Variants in MDGA2 observed in about 807,000 individuals in gnomAD.
The protein encoded by MDGA2 is MAM domain-containing glycosylphosphatidylinositol anchor protein 2.
In MDGA2, 40 loss-of-function variants were observed where a neutral mutation model predicts 117.8. That is an observed-to-expected ratio of 0.34 (90% CI 0.26 to 0.44). The LOEUF is 0.44. Ranked by LOEUF, MDGA2 falls within the 20% of genes least tolerant of loss-of-function variation. The pLI is 1.00. For missense variants in MDGA2, 1,123 were observed against 1,250.6 expected (o/e 0.90, Z 1.54); for synonymous variants, 452 against 439.0 (o/e 1.03, Z -0.37).
intron 3 of MDGA2, among the ~76,000 whole-genome samples, chr14:47,172,182 G>A (rs1884179008): frequency 6.6e-6 from 1 of 152,170 alleles, no homozygotes; most frequent in Non-Finnish European, 1.5e-5. Context: ...GCTCAAGGAG[G>A]CCTGCCTGCC....
chr14:47,021,832 G>A (rs28484922), intron 8 of MDGA2, among the ~76,000 whole-genome samples: 20 of 152,238 alleles, frequency 1.3e-4, no homozygotes, highest in African/African-American at 3.9e-4. Flanking sequence ...GGCACTGCTA[G>A]AATTTGAATC....
chr14:47,224,341 A>G (rs1483964406), intron 2 of MDGA2, among the ~76,000 whole-genome samples: 2 of 151,714 alleles, frequency 1.3e-5, no homozygotes, highest in Non-Finnish European at 2.9e-5. Flanking sequence ...TTCCTGAAAC[A>G]TCATTGCTTT....
intron 3 of MDGA2, among the ~76,000 whole-genome samples, chr14:47,168,547 T>C (rs1365050359): frequency 2.0e-5 from 3 of 152,008 alleles, no homozygotes; most frequent in Non-Finnish European, 4.4e-5. Flanking sequence ...CATTGGATAA[T>C]TGATGAAAAG....
chr14:47,026,704 A>G (rs187431541), intron 8 of MDGA2, among the ~76,000 whole-genome samples: 1 of 152,292 alleles, frequency 6.6e-6, no homozygotes, highest in East Asian at 1.9e-4. Context: ...GAAGAAAGAC[A>G]AATTCCTTTT....
rs1334553624 is a variant in MDGA2 at position 47,068,470 on chromosome 14, TAAATG to T, written c.1196-6897_1196-6893del. 1.0e-3 allele frequency among the ~76,000 whole-genome samples: 154 copies of T among 151,454 alleles called. 2 individuals carry two copies. Among genetic ancestry groups the T allele is most frequent in the African/African-American group, 3.5e-3 (146 of 41,390 alleles). ...TACCAAAATGTCTTTATCGGTGTCA[TAAATG>T]AAAACATTTACATGTGGCTACCATG... On this transcript the variant is annotated intron_variant, in intron 6 of 16. Coordinates refer to ENST00000399232, the MANE Select transcript of MDGA2 (RefSeq NM_001113498.3).
At chr14:46,902,016 T>A (rs1179316396) in intron 10 of MDGA2, among the ~76,000 whole-genome samples, 2 of 152,214 alleles carry the variant, frequency 1.3e-5, no homozygotes, top group Non-Finnish European at 2.9e-5. Flanking sequence ...TTGTCACCGA[T>A]GAACCCCTCT....
At chr14:47,187,233 C>T (rs930588511) in intron 3 of MDGA2, among the ~76,000 whole-genome samples, 1 of 151,696 alleles carries the variant, frequency 6.6e-6, no homozygotes, top group Non-Finnish European at 1.5e-5. Context: ...ATTGAATAAA[C>T]CTATGTAAAT....
chr14:47,482,705 T>G (rs1288717381), intron 1 of MDGA2, among the ~76,000 whole-genome samples: 3 of 152,046 alleles, frequency 2.0e-5, no homozygotes, highest in African/African-American at 7.2e-5. Context: ...CACCTTCTAA[T>G]TATCATTCTA....
At chr14:47,571,711 A>G (rs1896022919) in intron 1 of MDGA2, among the ~76,000 whole-genome samples, 1 of 149,976 alleles carries the variant, frequency 6.7e-6, no homozygotes, top group Admixed American at 6.6e-5. Flanking sequence ...CAATGAGAAC[A>G]CATGGACATA....
chr14:46,858,537 C>T lies in MDGA2; in HGVS notation c.2753-3383G>A, dbSNP rs536939351. ...CCGCCTCCCGGGTTCACGCCATTCT[C>T]CTGCCTCAGCCTCCCGAGTAGCTGG... On this transcript the variant is annotated intron_variant, in intron 14 of 16. Transcript: ENST00000399232. Among the ~76,000 whole-genome samples the T allele has an allele frequency of 2.0e-5, 3 of 150,904 alleles. No individual in the cohort carries two copies. In the South Asian group the frequency reaches 6.2e-4, roughly 31 times the overall value.
chr14:47,553,500 G>T (rs1192354058), intron 1 of MDGA2, among the ~76,000 whole-genome samples: 1 of 151,994 alleles, frequency 6.6e-6, no homozygotes, highest in African/African-American at 2.4e-5. Flanking sequence ...TGTTTAAATA[G>T]CTAATTTTTT....
chr14:46,878,608 C>T (rs1882323546), intron 11 of MDGA2, among the ~76,000 whole-genome samples: 1 of 151,944 alleles, frequency 6.6e-6, no homozygotes, highest in African/African-American at 2.4e-5. Flanking sequence ...GAAGACAATT[C>T]CCATTACTGT....
At chr14:47,033,441 C>A (rs542110342) in intron 8 of MDGA2, among the ~76,000 whole-genome samples, 4 of 152,244 alleles carry the variant, frequency 2.6e-5, no homozygotes, top group South Asian at 4.1e-4. Context: ...TCTGTGTTTA[C>A]CAACAAGATT....
chr14:46,973,330 T>G (rs540950392), intron 8 of MDGA2, among the ~76,000 whole-genome samples: 2 of 152,136 alleles, frequency 1.3e-5, no homozygotes, highest in South Asian at 2.1e-4. Context: ...TGCAGTTAAG[T>G]TCAGCTGGTA....
At chr14:47,155,940 G>T (rs1306146004) in intron 3 of MDGA2, among the ~76,000 whole-genome samples, 5 of 83,554 alleles carry the variant, frequency 6.0e-5, no homozygotes, top group African/African-American at 2.1e-4. Flanking sequence ...TTGAGACAGA[G>T]TCTCTGTCAC....
rs1884015293 is a variant in MDGA2 at position 47,169,137 on chromosome 14, A to C, written c.596-24863T>G. On this transcript the variant is annotated intron_variant, in intron 3 of 16. Coordinates refer to ENST00000399232, the MANE Select transcript of MDGA2 (RefSeq NM_001113498.3). ...CAAATGGGCATGGTAAGGTGACAGG[A>C]AACAAAAGCCACTTTGCTTTATTTA... Among the ~76,000 whole-genome samples, 8 of 152,032 alleles carry C rather than the reference A, an allele frequency of 5.3e-5. No homozygotes were observed. In the South Asian group the frequency reaches 1.7e-3, roughly 31 times the overall value.
chr14:47,160,348 C>T (rs945141650), intron 3 of MDGA2, among the ~76,000 whole-genome samples: 69 of 152,128 alleles, frequency 4.5e-4, no homozygotes, highest in African/African-American at 1.6e-3. Context: ...TCTCAGGCAT[C>T]TATCTTGCAG....
At chr14:47,149,548 T>C (rs908111984) in intron 3 of MDGA2, among the ~76,000 whole-genome samples, 4 of 152,184 alleles carry the variant, frequency 2.6e-5, no homozygotes, top group Non-Finnish European at 5.9e-5. Flanking sequence ...TCCAAGCCTT[T>C]ACAAAGAAAA....
At chr14:47,663,482 T>C (rs991692735) in intron 1 of MDGA2, among the ~76,000 whole-genome samples, 1 of 152,202 alleles carries the variant, frequency 6.6e-6, no homozygotes, top group Non-Finnish European at 1.5e-5. Context: ...GAATAGAGAA[T>C]ATGGAAGTGG....
Sources: gnomAD v4.1 joint callset for allele counts (sites outside exome capture counted in the v4.1 genomes callset) on GRCh38, gnomAD v4.1.1 for gene constraint, MANE v1.5 for transcripts, NCBI Gene and HGNC (gene_info 2026-07-23, HGNC 2026-07-21) for gene names.